DPP10: variants seen among roughly 807,000 people sequenced by gnomAD.
The protein encoded by DPP10 is inactive dipeptidyl peptidase 10.
In DPP10, 33 loss-of-function variants were observed where a neutral mutation model predicts 120.9. The observed-to-expected ratio is 0.27, with a 90% CI of 0.21 to 0.37. The LOEUF is 0.37. Ranked by LOEUF, DPP10 falls within the 10% of genes least tolerant of loss-of-function variation. The probability of loss-of-function intolerance (pLI) is 1.00; values close to 1 mark genes in which losing one functional copy is unlikely to be tolerated. For missense variants in DPP10, 816 were observed against 942.8 expected (o/e 0.87, Z 1.76); for synonymous variants, 337 against 326.1 (o/e 1.03, Z -0.36).
chr2:115,263,037 A>C (rs1026505352), intron 1 of DPP10, among the ~76,000 whole-genome samples: 1 of 152,140 alleles, frequency 6.6e-6, no homozygotes, highest in Non-Finnish European at 1.5e-5. Flanking sequence ...AATCTTAGCA[A>C]TTCTTACCCT....
chr2:115,572,976 T>C (rs763368740), intron 5 of DPP10, among the ~76,000 whole-genome samples: 1 of 152,172 alleles, frequency 6.6e-6, no homozygotes, highest in Non-Finnish European at 1.5e-5. Context: ...ACACTGCTTA[T>C]TGCTTCAGCT....
At chr2:115,825,536 C>T (rs1688220560) in intron 21 of DPP10, among the ~76,000 whole-genome samples, 1 of 152,088 alleles carries the variant, frequency 6.6e-6, no homozygotes, top group African/African-American at 2.4e-5. Context: ...GAACTTATTT[C>T]ATAATCTTTC....
intron 2 of DPP10, among the ~76,000 whole-genome samples, chr2:115,332,159 G>T (rs1200252045): frequency 1.3e-5 from 2 of 152,104 alleles, no homozygotes; most frequent in Non-Finnish European, 2.9e-5. Flanking sequence ...TTGGGAGGGT[G>T]TGTGTGTCCA....
chr2:115,488,981 GA>G (rs994507175), intron 3 of DPP10, among the ~76,000 whole-genome samples: 15 of 151,530 alleles, frequency 9.9e-5, no homozygotes, highest in African/African-American at 3.6e-4. Context: ...GGCTATTTTG[GA>G]AATCCAAAAG....
At position 115,560,619 on chromosome 2, in the gene DPP10, T is replaced by A. The variant is rs568110707; in HGVS notation, c.441+34647T>A. ...GGTAGTTTCTGCTGAGATCAGAAAT[T>A]TTTTTTTTATTCTGAGACAGGGTCT... is the stretch of plus-strand genomic sequence containing the variant. On this transcript the variant is annotated intron_variant, in intron 5 of 25. Coordinates refer to ENST00000410059, the MANE Select transcript of DPP10 (RefSeq NM_020868.6). 5.8e-3 allele frequency among the ~76,000 whole-genome samples: 858 copies of A among 149,064 alleles called. 8 individuals are homozygous for A. The highest frequency in any genetic ancestry group is 0.014 in the South Asian group (65 of 4,686).
intron 21 of DPP10, among the ~76,000 whole-genome samples, chr2:115,830,552 T>C (rs1688815866): frequency 6.6e-6 from 1 of 152,156 alleles, no homozygotes; most frequent in Non-Finnish European, 1.5e-5. Flanking sequence ...GGTCAAAGAG[T>C]AGAAGAAAAG....
chr2:114,574,918 T>C (rs1478778909), intron 1 of DPP10, among the ~76,000 whole-genome samples: 1 of 152,184 alleles, frequency 6.6e-6, no homozygotes, highest in Non-Finnish European at 1.5e-5. Flanking sequence ...GGGTTATACC[T>C]GCTCTTAAGT....
At chr2:114,739,989 C>G (rs1464752686) in intron 1 of DPP10, among the ~76,000 whole-genome samples, 1 of 152,038 alleles carries the variant, frequency 6.6e-6, no homozygotes, top group East Asian at 1.9e-4. Context: ...CCATTTGACC[C>G]AGCCATCCCA....
chr2:115,654,520 C>A (rs1410248823), intron 5 of DPP10, among the ~76,000 whole-genome samples: 1 of 151,776 alleles, frequency 6.6e-6, no homozygotes, highest in Non-Finnish European at 1.5e-5. Context: ...AAGAAGCATG[C>A]CAAATTGGCA....
chr2:115,662,720 T>G (rs2089102622), intron 5 of DPP10, among the ~76,000 whole-genome samples: 1 of 152,196 alleles, frequency 6.6e-6, no homozygotes, highest in African/African-American at 2.4e-5. Context: ...TCTTTTTTAA[T>G]ACACTCCCTT....
chr2:115,437,424 G>T (rs981805481), intron 3 of DPP10, among the ~76,000 whole-genome samples: 4 of 152,004 alleles, frequency 2.6e-5, no homozygotes, highest in Admixed American at 6.6e-5. Flanking sequence ...TCACTACACA[G>T]ATTCCGAAAA....
intron 1 of DPP10, among the ~76,000 whole-genome samples, chr2:114,855,153 G>A (rs565989095): frequency 1.3e-5 from 2 of 152,252 alleles, no homozygotes; most frequent in African/African-American, 2.4e-5. Flanking sequence ...AGAGAGAGAC[G>A]TTGGAAGGGA....
intron 2 of DPP10, among the ~76,000 whole-genome samples, chr2:115,328,087 C>G (rs10469821): frequency 0.7 from 105,771 of 151,842 alleles, 37,357 homozygotes; most frequent in Admixed American, 0.76. Context: ...TAAAGACATG[C>G]AATAAAAATT....
chr2:115,741,369 G>C (rs1037321401), intron 9 of DPP10, among the ~76,000 whole-genome samples: 14 of 151,092 alleles, frequency 9.3e-5, no homozygotes, highest in African/African-American at 3.2e-4. Context: ...AAAATACTAA[G>C]AGATTTTTAT....
chr2:114,473,904 G>A (rs1680151705), intron 1 of DPP10, among the ~76,000 whole-genome samples: 1 of 151,926 alleles, frequency 6.6e-6, no homozygotes, highest in African/African-American at 2.4e-5. Flanking sequence ...TATACATTTG[G>A]CTAAACAAAA....
At chr2:114,934,323 T>C (rs1468820926) in intron 1 of DPP10, among the ~76,000 whole-genome samples, 1 of 152,136 alleles carries the variant, frequency 6.6e-6, no homozygotes. Flanking sequence ...AATTGACACG[T>C]GTATTGTGGG....
At position 115,814,569 on chromosome 2, in the gene DPP10, T is replaced by A. The variant is rs987659496; in HGVS notation, c.1701-224T>A. The A allele has an allele frequency of 8.6e-6, 3 of 350,072 alleles. No individual in the cohort carries two copies. In the Admixed American group the frequency reaches 1.4e-4, roughly 16 times the overall value. 21.7% of individuals were successfully genotyped at this position (350,072 alleles called of 1,614,324 possible). ...TTTCTACTGCAATGTTAACTCATAC[T>A]TTCATTTCATTCAGGGAACTTTTCA... On this transcript the variant is annotated intron_variant, in intron 19 of 25. Coordinates refer to ENST00000410059, the MANE Select transcript of DPP10 (RefSeq NM_020868.6).
chr2:115,640,210 T>A (rs899170202), intron 5 of DPP10, among the ~76,000 whole-genome samples: 1 of 152,032 alleles, frequency 6.6e-6, no homozygotes, highest in African/African-American at 2.4e-5. Context: ...TTAAACTAAG[T>A]CTGTGTGGAT....
chr2:114,750,289 C>A (rs1301913588), intron 1 of DPP10, among the ~76,000 whole-genome samples: 1 of 151,382 alleles, frequency 6.6e-6, no homozygotes, highest in Middle Eastern at 3.4e-3. Context: ...GGTCTCACCC[C>A]AGACCAGATT....
Sources: allele counts gnomAD v4.1 joint callset (sites outside exome capture counted in the v4.1 genomes callset), GRCh38; gene constraint gnomAD v4.1.1; transcripts MANE v1.5; gene names NCBI Gene and HGNC (gene_info 2026-07-23, HGNC 2026-07-21).